Variants in CSMD1 observed in about 807,000 individuals in gnomAD.
CSMD1 encodes CUB and Sushi multiple domains 1.
In CSMD1, 213 loss-of-function variants were observed where a neutral mutation model predicts 417.5. The ratio of observed to expected loss-of-function variants is 0.51; its 90% CI spans 0.46 to 0.57. The LOEUF (loss-of-function observed/expected upper bound fraction) is 0.57. Among genes scored for constraint, CSMD1 ranks in the 20% least tolerant of loss-of-function variants. The pLI is 0.00. For missense variants in CSMD1, 6,923 were observed against 4,529.7 expected (o/e 1.53, Z -15.17); for synonymous variants, 2,862 against 1,736.8 (o/e 1.65, Z -16.11).
chr8:4,708,839 G>C (rs116261202), intron 1 of CSMD1, among the ~76,000 whole-genome samples: 1 of 152,082 alleles, frequency 6.6e-6, no homozygotes, highest in East Asian at 1.9e-4. Flanking sequence ...TCCCTAATCC[G>C]ACATGACTGG....
intron 4 of CSMD1, among the ~76,000 whole-genome samples, chr8:4,015,716 A>C (rs1294187896): frequency 6.6e-6 from 1 of 151,726 alleles, no homozygotes; most frequent in African/African-American, 2.4e-5. Context: ...ATTTTATCTA[A>C]AACTGTTGAA....
At chr8:4,729,029 G>A (rs113211006) in intron 1 of CSMD1, among the ~76,000 whole-genome samples, 374 of 152,200 alleles carry the variant, frequency 2.5e-3, no homozygotes, top group African/African-American at 8.8e-3. Context: ...GTATACAGAC[G>A]GAAAGAGATA....
chr8:4,335,240 G>A (rs998574963), intron 3 of CSMD1, among the ~76,000 whole-genome samples: 3 of 151,964 alleles, frequency 2.0e-5, no homozygotes, highest in Non-Finnish European at 4.4e-5. Context: ...TCCCATTTGT[G>A]AACACTTCAC....
chr8:4,043,527 A>G (rs922550136), intron 3 of CSMD1, among the ~76,000 whole-genome samples: 1 of 152,248 alleles, frequency 6.6e-6, no homozygotes, highest in Non-Finnish European at 1.5e-5. Context: ...AGATAACAGT[A>G]AAATAATGAG....
intron 2 of CSMD1, among the ~76,000 whole-genome samples, chr8:4,446,569 G>A (rs190467199): frequency 1.3e-5 from 2 of 152,022 alleles, no homozygotes; most frequent in Non-Finnish European, 2.9e-5. Flanking sequence ...TTTTGTTGTG[G>A]GGAAGATGGA....
intron 3 of CSMD1, among the ~76,000 whole-genome samples, chr8:4,054,240 C>A (rs560849783): frequency 1.3e-5 from 2 of 152,192 alleles, no homozygotes; most frequent in East Asian, 1.9e-4. Context: ...TGAACATGGA[C>A]AAATGACGAC....
chr8:3,156,503 G>T (rs907776981), intron 39 of CSMD1, among the ~76,000 whole-genome samples: 1 of 152,128 alleles, frequency 6.6e-6, no homozygotes, highest in African/African-American at 2.4e-5. Context: ...AACTCTGCAG[G>T]AAGTAAAGTC....
intron 3 of CSMD1, among the ~76,000 whole-genome samples, chr8:4,211,263 G>A (rs886396082): frequency 8.6e-5 from 13 of 151,788 alleles, no homozygotes; most frequent in African/African-American, 3.1e-4. Flanking sequence ...GAAACTGAAA[G>A]AAATCCAAAG....
intron 27 of CSMD1, 76 bp from the exon 28 acceptor site, chr8:3,223,943 C>G (rs1176299434): frequency 9.9e-6 from 14 of 1,417,638 alleles, no homozygotes; most frequent in South Asian, 2.5e-5. Flanking sequence ...GAAGGAGACA[C>G]CACAGAATTC....
intron 1 of CSMD1, among the ~76,000 whole-genome samples, chr8:4,854,718 C>G (rs1032474280): frequency 6.6e-6 from 1 of 152,184 alleles, no homozygotes; most frequent in African/African-American, 2.4e-5. Flanking sequence ...GCTTAAAAAA[C>G]GGTGCACCAC....
At chr8:3,585,697 G>C (rs1434049903) in intron 9 of CSMD1, among the ~76,000 whole-genome samples, 5 of 152,088 alleles carry the variant, frequency 3.3e-5, no homozygotes, top group South Asian at 4.1e-4. Flanking sequence ...ATGATGATTT[G>C]CAATCAGGCT....
intron 5 of CSMD1, among the ~76,000 whole-genome samples, chr8:3,851,610 T>C (rs191158413): frequency 1.3e-5 from 2 of 152,066 alleles, no homozygotes; most frequent in African/African-American, 4.8e-5. Flanking sequence ...CTACTTTCAC[T>C]GGAGAAAAAA....
At chr8:3,075,676 C>G (rs115241383) in intron 49 of CSMD1, among the ~76,000 whole-genome samples, 2 of 152,090 alleles carry the variant, frequency 1.3e-5, no homozygotes, top group Non-Finnish European at 2.9e-5. Context: ...TGGGTTGCAG[C>G]TTATTTTTTT....
intron 3 of CSMD1, among the ~76,000 whole-genome samples, chr8:4,367,033 G>T (rs1294580553): frequency 6.6e-6 from 1 of 152,110 alleles, no homozygotes; most frequent in Non-Finnish European, 1.5e-5. Flanking sequence ...TTGCTGTGCA[G>T]AAGCTTCTTA....
intron 5 of CSMD1, among the ~76,000 whole-genome samples, chr8:3,980,390 C>A (rs767453205): frequency 3.9e-5 from 6 of 152,158 alleles, no homozygotes; most frequent in Non-Finnish European, 7.3e-5. Context: ...TTGACCTATT[C>A]CTGGCGGCAT....
intron 1 of CSMD1, among the ~76,000 whole-genome samples, chr8:4,730,162 G>A (rs1343099156): frequency 2.0e-5 from 3 of 151,956 alleles, no homozygotes; most frequent in African/African-American, 7.3e-5. Context: ...TGCAAAGCAT[G>A]GTCTCAGTGT....
intron 2 of CSMD1, among the ~76,000 whole-genome samples, chr8:4,622,781 A>G (rs1450556161): frequency 6.6e-6 from 1 of 152,118 alleles, no homozygotes; most frequent in Non-Finnish European, 1.5e-5. Context: ...GCATTTCAAT[A>G]CAGCACCCAA....
At chr8:4,768,684 G>T (rs982756329) in intron 1 of CSMD1, among the ~76,000 whole-genome samples, 1 of 152,150 alleles carries the variant, frequency 6.6e-6, no homozygotes, top group Admixed American at 6.5e-5. Flanking sequence ...AGGTGTTGGC[G>T]TTCCCAAACA....
chr8:4,193,918 T>C (rs17069331), intron 3 of CSMD1, among the ~76,000 whole-genome samples: 4,366 of 151,910 alleles, frequency 0.029, 245 homozygotes, highest in African/African-American at 0.1. Flanking sequence ...CAGGAGAAAG[T>C]ACAATGTTTA....
Sources: gnomAD v4.1 joint callset for allele counts (sites outside exome capture counted in the v4.1 genomes callset) on GRCh38, gnomAD v4.1.1 for gene constraint, MANE v1.5 for transcripts, NCBI Gene and HGNC (gene_info 2026-07-23, HGNC 2026-07-21) for gene names.